The following GAS2L3 variants were observed in gnomAD, a reference collection of about 807,000 sequenced individuals.
GAS2L3 encodes the protein GAS2-like protein 3.
In GAS2L3, 28 loss-of-function variants were observed where a neutral mutation model predicts 37.0. The ratio of observed to expected loss-of-function variants is 0.76; its 90% CI spans 0.56 to 1.04. The LOEUF is 1.04. GAS2L3 is among the 50% of genes least tolerant of loss of function. The pLI is 0.00. For missense variants in GAS2L3, 793 were observed against 817.6 expected, an observed-to-expected ratio of 0.97 and a Z score of 0.37; for synonymous variants, 290 against 296.6, an observed-to-expected ratio of 0.98 and a Z score of 0.23.
rs141516742 is a variant in GAS2L3 at position 100,581,753 on chromosome 12, A to G, written c.-152+7968A>G. 2.1e-3 allele frequency among the ~76,000 whole-genome samples: 320 copies of G among 152,348 alleles called. 2 individuals are homozygous for G. Among genetic ancestry groups the G allele is most frequent in the African/African-American group, 7.3e-3 (302 of 41,578 alleles). On this transcript the variant is annotated intron_variant, in intron 1 of 9. Coordinates refer to ENST00000547754, the MANE Select transcript of GAS2L3 (RefSeq NM_174942.3). ...TATAAACATGAAATAACCACTGCCA[A>G]TATTCACGGTAAAGTGAGAAACTAT...
At chr12:100,597,956 A>G (rs988895260) in intron 3 of GAS2L3, among the ~76,000 whole-genome samples, 1 of 152,098 alleles carries the variant, frequency 6.6e-6, no homozygotes, top group African/African-American at 2.4e-5. Flanking sequence ...CTTTTTTAAA[A>G]GTTTGGTTTT....
rs771096974 is a variant in GAS2L3, at chr12:100,624,905, T to C, written c.*15T>C. The C allele has an allele frequency of 1.3e-6, 2 of 1,511,918 alleles. No homozygotes were observed. The highest frequency in any genetic ancestry group is 1.8e-4 in the Middle Eastern group (1 of 5,560). The allele number at this position is 1,511,918 out of a possible 1,614,324, so 93.7% of individuals were successfully genotyped here. ...CTAGAAAATAAATACATACTCATTA[T>C]AAAAAAAGAGAAAAGGAAGAATGAA... On this transcript the variant is annotated 3_prime_UTR_variant, in exon 10 of 10. Coordinates refer to ENST00000547754, the MANE Select transcript of GAS2L3 (RefSeq NM_174942.3).
rs1360568689 is a variant in GAS2L3, at chr12:100,627,955, A to G, written c.*3065A>G. 6.6e-6 allele frequency: 1 copy of G among 152,212 alleles called. No individual in the cohort carries two copies. The highest frequency in any genetic ancestry group is 1.5e-5 in the Non-Finnish European group (1 of 68,032). 9.4% of individuals were successfully genotyped at this position (152,212 alleles called of 1,614,324 possible). A position where few individuals can be genotyped will look rare whatever the true frequency, so the allele number is the denominator to read the frequency against. On this transcript the variant is annotated 3_prime_UTR_variant, in exon 10 of 10. Transcript: ENST00000547754. ...TTATTTTTACCTTGTTTGGGCTTAAAGTAGGTATTTAAGGTTTATGTGTTC... is the reference window on the plus strand; with the variant it reads ...TTATTTTTACCTTGTTTGGGCTTAAGGTAGGTATTTAAGGTTTATGTGTTC...
intron 1 of GAS2L3, among the ~76,000 whole-genome samples, chr12:100,585,253 T>G (rs1674132470): frequency 6.6e-6 from 1 of 151,138 alleles, no homozygotes; most frequent in African/African-American, 2.4e-5. Flanking sequence ...AGCACTCTTT[T>G]TTTTTCTTCC....
intron 1 of GAS2L3, among the ~76,000 whole-genome samples, chr12:100,575,151 T>G (rs562770723): frequency 2.0e-5 from 3 of 152,250 alleles, no homozygotes; most frequent in Non-Finnish European, 4.4e-5. Flanking sequence ...GTTGTAAAGA[T>G]TAAATGAAAT....
intron 1 of GAS2L3, among the ~76,000 whole-genome samples, chr12:100,580,631 C>G (rs1955699174): frequency 6.6e-6 from 1 of 152,152 alleles, no homozygotes. Context: ...ACTATATGAA[C>G]TATTTTAAGT....
intron 8 of GAS2L3, among the ~76,000 whole-genome samples, chr12:100,620,042 TGTAAA>T: frequency 6.6e-6 from 1 of 152,058 alleles, no homozygotes. Flanking sequence ...TGGAAAATGA[TGTAAA>T]CTTTTGAAAA....
chr12:100,583,499 C>A (rs1364487344), intron 1 of GAS2L3, among the ~76,000 whole-genome samples: 1 of 152,142 alleles, frequency 6.6e-6, no homozygotes, highest in Non-Finnish European at 1.5e-5. Context: ...TCATTTCTTT[C>A]TTTCTTCCTT....
intron 1 of GAS2L3, chr12:100,579,763 C>G: frequency 1.4e-6 from 1 of 719,736 alleles, no homozygotes; most frequent in Admixed American, 2.1e-5. Flanking sequence ...GAGGTGCTTC[C>G]GGAAAATCTT....
intron 5 of GAS2L3, among the ~76,000 whole-genome samples, chr12:100,602,919 T>C (rs1401751540): frequency 6.6e-6 from 1 of 152,166 alleles, no homozygotes; most frequent in Non-Finnish European, 1.5e-5. Flanking sequence ...GCCTGATGTA[T>C]TTCACTTAAC....
Position 100,601,737 on chromosome 12 carries a change from A to T in GAS2L3, c.287A>T (p.Asn96Ile). 2 of 1,570,636 alleles carry T rather than the reference A, an allele frequency of 1.3e-6. No homozygotes were observed. Among genetic ancestry groups the T allele is most frequent in the South Asian group, 1.1e-5 (1 of 88,572 alleles). The change falls in exon 5 of 10, where the codon AAC becomes ATC. Residue 96 changes from asparagine to isoleucine, a missense_variant. Coordinates refer to ENST00000547754, the MANE Select transcript of GAS2L3 (RefSeq NM_174942.3). The stretch of plus-strand genomic sequence containing the variant: ...CTTCAAAACATGGTGAAAACATGCA[A>T]CTCTGAAGAATCAGGGGTAAGTAAA... ...DVLQNMVKTC[N>I]SEESGNFPMR...
At chr12:100,603,349 A>T (rs1481408796) in intron 5 of GAS2L3, among the ~76,000 whole-genome samples, 3 of 151,976 alleles carry the variant, frequency 2.0e-5, no homozygotes, top group Admixed American at 2.0e-4. Flanking sequence ...TTGGGATGAG[A>T]TATCTCATTG....
intron 3 of GAS2L3, among the ~76,000 whole-genome samples, chr12:100,595,361 C>A (rs747591244): frequency 6.7e-6 from 1 of 150,200 alleles, no homozygotes; most frequent in African/African-American, 2.4e-5. Flanking sequence ...TCTATAAATG[C>A]CTGTATATGA....
intron 5 of GAS2L3, among the ~76,000 whole-genome samples, chr12:100,608,561 G>A (rs867976960): frequency 3.9e-5 from 6 of 151,952 alleles, no homozygotes; most frequent in African/African-American, 1.5e-4. Context: ...TCGCTCTGTC[G>A]CCCAGGCTGG....
At chr12:100,611,800 G>A (rs1956129723) in intron 5 of GAS2L3, among the ~76,000 whole-genome samples, 200 bp from the exon 6 acceptor site, 1 of 152,108 alleles carries the variant, frequency 6.6e-6, no homozygotes, top group South Asian at 2.1e-4. Context: ...CCACAGACCG[G>A]TACCAGTCTG....
At chr12:100,621,882 GGAGAGAGA>G (rs1205356059) in intron 8 of GAS2L3, among the ~76,000 whole-genome samples, 2 of 81,298 alleles carry the variant, frequency 2.5e-5, no homozygotes, top group South Asian at 6.0e-4. Context: ...GGTGGGGGGG[GGAGAGAGA>G]GAGAGAGAGA....
At chr12:100,597,044 A>G (rs1314937204) in intron 3 of GAS2L3, among the ~76,000 whole-genome samples, 1 of 151,978 alleles carries the variant, frequency 6.6e-6, no homozygotes, top group Non-Finnish European at 1.5e-5. Flanking sequence ...TCTGCTTGCA[A>G]TAATAGGAAA....
At chr12:100,609,113 C>G (rs1480496551) in intron 5 of GAS2L3, among the ~76,000 whole-genome samples, 3 of 152,126 alleles carry the variant, frequency 2.0e-5, no homozygotes, top group African/African-American at 7.2e-5. Flanking sequence ...GAGCCTAGGC[C>G]TGAAGCTGGG....
At chr12:100,619,509 TAA>T (rs1480540044) in intron 8 of GAS2L3, among the ~76,000 whole-genome samples, 1 of 152,102 alleles carries the variant, frequency 6.6e-6, no homozygotes, top group African/African-American at 2.4e-5. Context: ...TTGTTTTGTT[TAA>T]TGTAATAAAA....
Sources: allele counts gnomAD v4.1 joint callset (sites outside exome capture counted in the v4.1 genomes callset), GRCh38; gene constraint gnomAD v4.1.1; transcripts MANE v1.5; gene names NCBI Gene and HGNC (gene_info 2026-07-23, HGNC 2026-07-21).